Variants in PCNX4 observed in about 807,000 individuals in gnomAD.
PCNX4 encodes the protein pecanex-like protein 4.
PCNX4 carries 103 observed loss-of-function variants against 107.2 expected under a neutral mutation model. The ratio of observed to expected loss-of-function variants is 0.96; its 90% CI spans 0.82 to 1.13. The LOEUF is 1.13. Among genes scored for constraint, PCNX4 ranks in the 50% most tolerant of loss-of-function variants. PCNX4 has a pLI of 0.00. For missense variants in PCNX4, 1,528 were observed against 1,379.4 expected, an observed-to-expected ratio of 1.11 and a Z score of -1.71; for synonymous variants, 541 against 481.7, an observed-to-expected ratio of 1.12 and a Z score of -1.61.
intron 1 of PCNX4, among the ~76,000 whole-genome samples, chr14:60,099,891 CTA>C (rs1895496458): frequency 1.3e-5 from 2 of 151,806 alleles, no homozygotes; most frequent in South Asian, 4.2e-4. Context: ...TAGTGAAACA[CTA>C]TCTCTACTGG....
chr14:60,132,815 G>A (rs916409402), intron 10 of PCNX4, among the ~76,000 whole-genome samples: 1 of 152,112 alleles, frequency 6.6e-6, no homozygotes, highest in South Asian at 2.1e-4. Context: ...TCTTTAAAGA[G>A]GATGTACAAG....
chr14:60,094,876 G>A (rs1009372450), intron 1 of PCNX4, among the ~76,000 whole-genome samples: 5 of 149,344 alleles, frequency 3.3e-5, no homozygotes, highest in African/African-American at 1.2e-4. Context: ...ATTGTATCTT[G>A]GTTAAGTCAC....
rs1041817333 is a variant in PCNX4 at position 60,140,892 on chromosome 14, C to A, written c.*6671C>A. The A allele has an allele frequency of 8.5e-5, 13 of 152,266 alleles. No homozygotes were observed. Among genetic ancestry groups the A allele is most frequent in the African/African-American group, 3.1e-4 (13 of 41,558 alleles). 9.4% of individuals were successfully genotyped at this position (152,266 alleles called of 1,614,324 possible). A position where few individuals can be genotyped will look rare whatever the true frequency, so the allele number is the denominator to read the frequency against. On this transcript the variant is annotated 3_prime_UTR_variant, in exon 11 of 11. Transcript: ENST00000406854. The surrounding 1 kb of genome is among the most constrained non-coding windows in gnomAD (Gnocchi z 4.2). ...TAGATTTCTTATTACTCAGGGTAAA[C>A]AAGTGCACCTGCCCACCTTTGCACT...
intron 2 of PCNX4, 51 bp downstream of exon 2, chr14:60,108,378 A>G: frequency 7.4e-7 from 1 of 1,353,108 alleles, no homozygotes; most frequent in Non-Finnish European, 1.0e-6. Flanking sequence ...AAGTATACAG[A>G]GTAAGAGAGC....
intron 2 of PCNX4, chr14:60,109,887 A>G (rs561051732): frequency 1.2e-5 from 2 of 167,208 alleles, no homozygotes; most frequent in African/African-American, 2.4e-5. Context: ...TTGTGGAGCC[A>G]TGAAGTTGGA....
At chr14:60,127,431 T>G (rs1896076101) in intron 10 of PCNX4, among the ~76,000 whole-genome samples, 1 of 152,190 alleles carries the variant, frequency 6.6e-6, no homozygotes, top group African/African-American at 2.4e-5. Flanking sequence ...GCTTAATAGC[T>G]GGGTATGAAC....
In PCNX4 at chr14:60,115,232, T is replaced by G. The variant is rs1197031583; in HGVS notation, c.1128T>G (p.Phe376Leu). Residue 376 changes from phenylalanine (F) to leucine (L), a missense_variant, in exon 4 of 11, where the codon TTT becomes TTG. Transcript: ENST00000406854. ...TAGAAACTAGCTTGCTTCATCACTT[T>G]GCTGGCTTCTCACAGATTTCTAAAA... ...ALLETSLLHHFAGFSQISKSN... is the reference protein window; with the variant it reads ...ALLETSLLHHLAGFSQISKSN... The G allele has an allele frequency of 6.2e-7, 1 of 1,613,316 alleles. No individual in the cohort carries two copies. The highest frequency in any genetic ancestry group is 1.3e-5 in the African/African-American group (1 of 75,022).
rs1030408571 is a variant in PCNX4 at position 60,144,519 on chromosome 14, T to C, written c.*10298T>C. 1 of 180,764 alleles carries C rather than the reference T, an allele frequency of 5.5e-6. No individual in the cohort carries two copies. Among genetic ancestry groups the C allele is most frequent in the Admixed American group, 6.1e-5 (1 of 16,378 alleles). The allele number at this position is 180,764 out of a possible 1,614,324, so 11.2% of individuals were successfully genotyped here. The stretch of plus-strand genomic sequence containing the variant: ...ACATACATTCCTCCACTGTGGAGGA[T>C]GCAGCAATGAGGTGCCATCTTGGAA... On this transcript the variant is annotated 3_prime_UTR_variant, in exon 11 of 11. Transcript: ENST00000406854.
Position 60,140,075 on chromosome 14 carries a change from G to A in PCNX4, c.*5854G>A, listed in dbSNP as rs1391174843. The A allele has an allele frequency of 1.3e-5, 2 of 152,174 alleles. No homozygotes were observed. The highest frequency in any genetic ancestry group is 4.8e-5 in the African/African-American group (2 of 41,542). 9.4% of individuals were successfully genotyped at this position (152,174 alleles called of 1,614,324 possible). On this transcript the variant is annotated 3_prime_UTR_variant, in exon 11 of 11. Transcript: ENST00000406854. This position sits in a 1 kb window ranked among gnomAD's most constrained non-coding sequence, Gnocchi z 4.2. Reference sequence around the variant, plus strand: ...TAATGGAGTAGAAAATGAAGATAAAGTGGATCAACTAAGCCAAAAGTTGAT... The same window carrying A: ...TAATGGAGTAGAAAATGAAGATAAAATGGATCAACTAAGCCAAAAGTTGAT...
At position 60,144,219 on chromosome 14, in the gene PCNX4, A is replaced by G. The variant is rs956134118; in HGVS notation, c.*9998A>G. 3.9e-5 allele frequency: 6 copies of G among 152,250 alleles called. No individual in the cohort carries two copies. Among genetic ancestry groups the G allele is most frequent in the Non-Finnish European group, 8.8e-5 (6 of 68,054 alleles). The allele number at this position is 152,250 out of a possible 1,614,324, so 9.4% of individuals were successfully genotyped here. A position where few individuals can be genotyped will look rare whatever the true frequency, so the allele number is the denominator to read the frequency against. On this transcript the variant is annotated 3_prime_UTR_variant, in exon 11 of 11. Transcript: ENST00000406854. ...CCATCTGTACCTGTCAACTTTTCTA[A>G]GAGTATAAGCATCTTGGAGGTAAGG...
chr14:60,124,389 A>T lies in PCNX4; in HGVS notation c.2218A>T (p.Arg740Trp), dbSNP rs1269176750. The change falls in exon 9 of 11, where the codon AGG becomes TGG. Residue 740 changes from arginine (R) to tryptophan (W), a missense_variant. Physicochemically the swap from Arg to Trp is moderately radical, Grantham distance 101 (BLOSUM62 -3). Coordinates refer to ENST00000406854, the MANE Select transcript of PCNX4 (RefSeq NM_001330177.2). ...GCCTGTGAAATTGTATTCTGATGCC[A>T]GGAATGTTCTATCAGGCATAATTGA... ...VLPVKLYSDA[R>W]NVLSGIIDSH... 6.2e-7 allele frequency: 1 copy of T among 1,613,538 alleles called. No homozygotes were observed. The highest frequency in any genetic ancestry group is 8.5e-7 in the Non-Finnish European group (1 of 1,179,658).
At position 60,125,966 on chromosome 14, in the gene PCNX4, A is replaced by C. The variant is rs562764874; in HGVS notation, c.3267+143A>C. Reference sequence around the variant, plus strand: ...TAGTTTTAAGGCATTTGTAATCATGACTTTTTGGCTAAGCTAGATGAACTC... The same window carrying C: ...TAGTTTTAAGGCATTTGTAATCATGCCTTTTTGGCTAAGCTAGATGAACTC... On this transcript the variant is annotated intron_variant, in intron 10 of 10. Transcript: ENST00000406854. 2,164 of 608,524 alleles carry C rather than the reference A, an allele frequency of 3.6e-3. 6 individuals are homozygous for C. The highest frequency in any genetic ancestry group is 6.3e-3 in the Middle Eastern group (13 of 2,048). The allele number at this position is 608,524 out of a possible 1,614,324, so 37.7% of individuals were successfully genotyped here.
intron 2 of PCNX4, among the ~76,000 whole-genome samples, chr14:60,114,092 A>G (rs960645556): frequency 2.6e-5 from 4 of 152,246 alleles, no homozygotes; most frequent in African/African-American, 9.6e-5. Context: ...CTGCAGAGAT[A>G]CAGTCATAAC....
At chr14:60,113,147 C>G (rs1048849367) in intron 2 of PCNX4, among the ~76,000 whole-genome samples, 1 of 152,206 alleles carries the variant, frequency 6.6e-6, no homozygotes, top group African/African-American at 2.4e-5. Context: ...CGCCACTGCA[C>G]TCCATCCTGG....
rs759189581 is a variant in PCNX4, at chr14:60,108,315, A to T, written c.677A>T (p.Asp226Val). The change falls in exon 2 of 11, where the codon GAT becomes GTT. Residue 226 changes from aspartate to valine, a missense_variant. Asp to Val is a radical substitution (Grantham distance 152, BLOSUM62 -3). Transcript: ENST00000406854. ...TATATTTTTTTCTTTGTTTCTGTGG[A>T]TCTGGCACACAGGTAAAAACCTACC... ...PLYIFFFVSV[D>V]LAHRFVVNMP... 3 of 1,605,902 alleles carry T rather than the reference A, an allele frequency of 1.9e-6. No individual in the cohort carries two copies. Among genetic ancestry groups the T allele is most frequent in the African/African-American group, 2.7e-5 (2 of 74,418 alleles).
chr14:60,093,759 A>AC (rs1280895029), intron 1 of PCNX4, among the ~76,000 whole-genome samples: 1 of 152,216 alleles, frequency 6.6e-6, no homozygotes, highest in Admixed American at 6.5e-5. Flanking sequence ...CTTTTGAGGA[A>AC]CTGCTAGACT....
intron 2 of PCNX4, among the ~76,000 whole-genome samples, chr14:60,113,437 C>A (rs1431047388): frequency 6.6e-6 from 1 of 152,048 alleles, no homozygotes; most frequent in East Asian, 1.9e-4. Flanking sequence ...CACGCAATCT[C>A]GGTTCACTGG....
At chr14:60,115,690 T>G (rs1895832785) in intron 4 of PCNX4, 29 bp from the exon 5 acceptor site, 1 of 1,579,860 alleles carries the variant, frequency 6.3e-7, no homozygotes, top group Admixed American at 1.7e-5. Flanking sequence ...TTGCCTTAAT[T>G]AAATTTCTCT....
Position 60,144,898 on chromosome 14 carries a change from TAAG to T in PCNX4, c.*10682_*10684del. On this transcript the variant is annotated 3_prime_UTR_variant, in exon 11 of 11. Coordinates refer to ENST00000406854, the MANE Select transcript of PCNX4 (RefSeq NM_001330177.2). ...ATTAGTCTTTGATTATTCAGAAGCA[TAAG>T]AAGATTGCTGTTTTCATGTTTTCCA... The T allele has an allele frequency of 7.8e-7, 1 of 1,289,392 alleles. No individual in the cohort carries two copies. Among genetic ancestry groups the T allele is most frequent in the South Asian group, 1.2e-5 (1 of 82,442 alleles). 79.9% of individuals were successfully genotyped at this position (1,289,392 alleles called of 1,614,324 possible).
Sources: gnomAD v4.1 joint callset for allele counts (sites outside exome capture counted in the v4.1 genomes callset) on GRCh38, gnomAD v4.1.1 for gene constraint, Gnocchi (gnomAD v3.1) non-coding constraint, MANE v1.5 for transcripts, NCBI Gene and HGNC (gene_info 2026-07-23, HGNC 2026-07-21) for gene names.